LRRC37A3: variants seen among roughly 807,000 people sequenced by gnomAD.
The protein encoded by LRRC37A3 is leucine rich repeat containing 37 member A3, also known as leucine-rich repeat-containing protein 37A3.
Under a neutral mutation model 106.2 loss-of-function variants are expected in LRRC37A3, and 25 were observed. That is an observed-to-expected ratio of 0.24 (90% CI 0.17 to 0.33). The LOEUF is 0.33. Ranked by LOEUF, LRRC37A3 falls within the 10% of genes least tolerant of loss-of-function variation. The pLI is 1.00. For missense variants in LRRC37A3, 712 were observed against 1,644.9 expected (o/e 0.43, Z 9.81); for synonymous variants, 305 against 635.8 (o/e 0.48, Z 7.83).
chr17:64,904,306 C>G (rs1246248504), intron 2 of LRRC37A3, among the ~76,000 whole-genome samples: 1 of 152,260 alleles, frequency 6.6e-6, no homozygotes, highest in African/African-American at 2.4e-5. Flanking sequence ...ACAGCAAGAC[C>G]CCATCTCCAG....
At chr17:64,857,500 G>T (rs1276723271) in intron 13 of LRRC37A3, among the ~76,000 whole-genome samples, 1 of 152,166 alleles carries the variant, frequency 6.6e-6, no homozygotes, top group African/African-American at 2.4e-5. Flanking sequence ...TTTGGTGGTG[G>T]CTGTTTTTAA....
Position 64,860,714 on chromosome 17 carries a change from C to A in LRRC37A3, c.3432G>T (p.Leu1144=). Residue 1144 remains leucine, a synonymous_variant, in exon 12 of 15, where the codon CTG becomes CTT. Transcript: ENST00000584306. ...TTGCCAGGCTGTTTCCTGTGGTTGG[C>A]AGTTTAATGAACGGTAGTAACAGTG... ...VKSLLLPFIK[L]PTTGNSLAKI... The A allele has an allele frequency of 1.2e-6, 2 of 1,613,972 alleles. No individual in the cohort carries two copies. The highest frequency in any genetic ancestry group is 1.1e-5 in the South Asian group (1 of 91,076).
intron 8 of LRRC37A3, among the ~76,000 whole-genome samples, chr17:64,884,347 G>GATT (rs199536526): frequency 5.1e-4 from 77 of 150,666 alleles, no homozygotes; most frequent in East Asian, 1.6e-3. Context: ...TGACGATGAT[G>GATT]ATTATTATTA....
chr17:64,858,877 TTG>T lies in LRRC37A3; in HGVS notation c.4709_4710del (p.Thr1570LysfsTer33). ...GTATAGCCATATCCTGGAAGTTCTT[TTG>T]TGAACTAAAAAAAAAAAAACCAGAA... ...SEQKEKSLEFTKELPGYGYTK... is the reference protein window; with the variant it reads ...SEQKEKSLEFXKELPGYGYTK... On this transcript the variant is annotated frameshift_variant, in exon 13 of 15. Transcript: ENST00000584306. LOFTEE classifies it high-confidence loss of function. 1 of 1,603,320 alleles carries T rather than the reference TTG, an allele frequency of 6.2e-7. No homozygotes were observed. The highest frequency in any genetic ancestry group is 8.5e-7 in the Non-Finnish European group (1 of 1,175,748).
chr17:64,916,619 A>G (rs978674036), intron 2 of LRRC37A3, among the ~76,000 whole-genome samples: 3 of 150,000 alleles, frequency 2.0e-5, no homozygotes, highest in African/African-American at 7.4e-5. Context: ...CTATTAAAAA[A>G]AAAAAAAAAA....
chr17:64,892,284 GAACA>G (rs1475037772), intron 5 of LRRC37A3, among the ~76,000 whole-genome samples: 1 of 22,698 alleles, frequency 4.4e-5, no homozygotes, highest in Non-Finnish European at 6.7e-5. Flanking sequence ...AAAAAAAAGA[GAACA>G]AAAAGGAATA....
chr17:64,860,459 G>A lies in LRRC37A3; in HGVS notation c.3687C>T (p.Asn1229=), dbSNP rs778169263. 29 of 1,613,770 alleles carry A rather than the reference G, an allele frequency of 1.8e-5. No homozygotes were observed. The highest frequency in any genetic ancestry group is 3.3e-5 in the South Asian group (3 of 91,062). The change falls in exon 12 of 15, where the codon AAC becomes AAT. Residue 1229 remains asparagine, a synonymous_variant. Transcript: ENST00000584306. ...TGAACGAAGGCTTGGTGTAGACGGCGTTTCCCGCTAACTTCTCAGGCCCCT... is the reference window on the plus strand; with the variant it reads ...TGAACGAAGGCTTGGTGTAGACGGCATTTCCCGCTAACTTCTCAGGCCCCT... ...TQQGPEKLAG[N]AVYTKPSFTQ... is the part of the protein sequence containing the mutation.
At chr17:64,861,033 C>A in intron 11 of LRRC37A3, 60 bp from the exon 12 acceptor site, 9 of 1,610,434 alleles carry the variant, frequency 5.6e-6, no homozygotes, top group South Asian at 1.1e-5. Context: ...ATGCATCAGT[C>A]CATAGCTGTA....
intron 11 of LRRC37A3, among the ~76,000 whole-genome samples, chr17:64,861,746 A>G (rs1453163400): frequency 3.9e-5 from 6 of 152,250 alleles, no homozygotes; most frequent in Admixed American, 3.9e-4. Context: ...CCTAAAATGC[A>G]GAAGGGAAAA....
chr17:64,904,021 C>A (rs2143599850), intron 2 of LRRC37A3, among the ~76,000 whole-genome samples: 1 of 151,926 alleles, frequency 6.6e-6, no homozygotes, highest in East Asian at 2.0e-4. Context: ...TGCCTGTAAT[C>A]CCAGCTACCC....
At chr17:64,873,431 G>A (rs1460419031) in intron 8 of LRRC37A3, among the ~76,000 whole-genome samples, 4 of 152,178 alleles carry the variant, frequency 2.6e-5, no homozygotes, top group Non-Finnish European at 5.9e-5. Context: ...AAGTGCTGGG[G>A]TTATAGGCAC....
intron 2 of LRRC37A3, among the ~76,000 whole-genome samples, chr17:64,914,420 G>A (rs1298911092): frequency 4.7e-5 from 7 of 148,126 alleles, no homozygotes; most frequent in Non-Finnish European, 7.5e-5. Flanking sequence ...TTAGCTGGGC[G>A]TGGTGGTGGG....
At position 64,858,855 on chromosome 17, in the gene LRRC37A3, T is replaced by C. The variant is rs1972768495; in HGVS notation, c.4733A>G (p.Tyr1578Cys). 6.2e-7 allele frequency: 1 copy of C among 1,612,980 alleles called. No individual in the cohort carries two copies. The highest frequency in any genetic ancestry group is 1.7e-4 in the Middle Eastern group (1 of 6,060). Residue 1578 changes from tyrosine to cysteine, a missense_variant, in exon 13 of 15, where the codon TAT becomes TGT. By Grantham distance (194) the Tyr-to-Cys change is radical (BLOSUM62 -2). Transcript: ENST00000584306. ...EFTKELPGYG[Y>C]TKKLILALIV... Reference sequence around the variant, plus strand: ...TAACGCCAAGATGAGTTTTTTGGTATAGCCATATCCTGGAAGTTCTTTTGT... The same window carrying C: ...TAACGCCAAGATGAGTTTTTTGGTACAGCCATATCCTGGAAGTTCTTTTGT...
At chr17:64,914,970 C>T (rs1567789270) in intron 2 of LRRC37A3, among the ~76,000 whole-genome samples, 2 of 151,360 alleles carry the variant, frequency 1.3e-5, no homozygotes, top group Admixed American at 6.6e-5. Flanking sequence ...TGATGGTTAC[C>T]GGGGGCTGGG....
intron 8 of LRRC37A3, among the ~76,000 whole-genome samples, chr17:64,878,007 G>A (rs1045630603): frequency 1.3e-5 from 2 of 151,992 alleles, no homozygotes; most frequent in Admixed American, 1.3e-4. Flanking sequence ...AAGAATTGAT[G>A]CAAAATATGT....
intron 2 of LRRC37A3, among the ~76,000 whole-genome samples, chr17:64,916,101 ACT>A (rs1481180718): frequency 1.4e-5 from 2 of 145,146 alleles, no homozygotes; most frequent in African/African-American, 2.6e-5. Context: ...AAAGAACGAG[ACT>A]CTGTCTAAAA....
Position 64,879,942 on chromosome 17 carries a change from G to A in LRRC37A3, c.2906+6144C>T, listed in dbSNP as rs1055104412. Among the ~76,000 whole-genome samples, 4 of 152,134 alleles carry A rather than the reference G, an allele frequency of 2.6e-5. No individual in the cohort carries two copies. The South Asian group carries it at 6.2e-4, about 24-fold the overall frequency. On this transcript the variant is annotated intron_variant, in intron 8 of 14. Coordinates refer to ENST00000584306, the MANE Select transcript of LRRC37A3 (RefSeq NM_199340.5). ...AAAAATAATGACTGTAAGGCAGTAT[G>A]TAGCCAAACAACTTAGCAAAGTTTG...
chr17:64,877,309 C>T (rs556483577), intron 8 of LRRC37A3, among the ~76,000 whole-genome samples: 2 of 152,156 alleles, frequency 1.3e-5, no homozygotes, highest in South Asian at 2.1e-4. Context: ...TCAAGTGATT[C>T]TCCTACCTCA....
intron 9 of LRRC37A3, 117 bp downstream of exon 9, chr17:64,868,978 A>G: frequency 1.3e-6 from 2 of 1,493,730 alleles, no homozygotes; most frequent in Middle Eastern, 2.5e-4. Flanking sequence ...TTTTTCAATA[A>G]CCCAGTTAAA....
Sources: gnomAD v4.1 joint callset for allele counts (sites outside exome capture counted in the v4.1 genomes callset) on GRCh38, gnomAD v4.1.1 for gene constraint, MANE v1.5 for transcripts, NCBI Gene and HGNC (gene_info 2026-07-23, HGNC 2026-07-21) for gene names.